Variants in MYH3 observed in about 807,000 individuals in gnomAD.
MYH3 encodes the protein myosin-3.
Under a neutral mutation model 238.0 loss-of-function variants are expected in MYH3, and 130 were observed. The observed-to-expected ratio is 0.55, with a 90% CI of 0.47 to 0.63. MYH3 has a LOEUF of 0.63. Among genes scored for constraint, MYH3 ranks in the 30% least tolerant of loss-of-function variants. MYH3 has a pLI of 0.00. For synonymous variants in MYH3, 880 were observed against 924.1 expected (o/e 0.95, Z 0.86); for missense variants, 1,853 against 2,374.9 (o/e 0.78, Z 4.57).
the MYH3 span, chr17:10,673,599 G>C: frequency 1.3e-5 from 2 of 151,456 alleles, no homozygotes; most frequent in East Asian, 3.9e-4. Context: ...CAGGGAAGCA[G>C]GCAGTTAGTC....
the MYH3 span, among the ~76,000 whole-genome samples, chr17:10,667,640 C>A: frequency 3.3e-5 from 5 of 149,800 alleles, no homozygotes; most frequent in Middle Eastern, 3.4e-3. Context: ...CAAGATTGTG[C>A]CACCACACTC....
chr17:10,645,988 T>A lies in MYH3; in HGVS notation c.943A>T (p.Ser315Cys). Residue 315 changes from serine (S) to cysteine (C), a missense_variant, in exon 11 of 41, where the codon AGC becomes TGC. Transcript: ENST00000583535. Reference sequence around the variant, plus strand: ...CTGGCCACCAGGATCTCCCCCTGGCTAATGAACGGGTAGTCGTAAGGGTTG... The same window carrying A: ...CTGGCCACCAGGATCTCCCCCTGGCAAATGAACGGGTAGTCGTAAGGGTTG... ...TTNPYDYPFI[S>C]QGEILVASID... The A allele has an allele frequency of 6.2e-7, 1 of 1,614,050 alleles. No individual in the cohort carries two copies. Among genetic ancestry groups the A allele is most frequent in the Non-Finnish European group, 8.5e-7 (1 of 1,180,016 alleles).
At position 10,637,824 on chromosome 17, in the gene MYH3, A is replaced by C. The variant is rs753042145; in HGVS notation, c.3841T>G (p.Leu1281Val). ...CGTGGCTTACCAGCCTCGGTCTGCA[A>C]ACGAGACTTCTGTGTGGTCAGCTCG... ...LSELTTQKSRLQTEAGELSRQ... is the reference protein window; with the variant it reads ...LSELTTQKSRVQTEAGELSRQ... Residue 1281 changes from leucine to valine, a missense_variant, in exon 28 of 41, where the codon TTG becomes GTG. Leu to Val is a conservative substitution (Grantham distance 32). Transcript: ENST00000583535. 6.2e-7 allele frequency: 1 copy of C among 1,614,034 alleles called. No individual in the cohort carries two copies. The highest frequency in any genetic ancestry group is 8.5e-7 in the Non-Finnish European group (1 of 1,180,034).
In MYH3 at chr17:10,630,444, C is replaced by A. The variant is rs151028057; in HGVS notation, c.5301G>T (p.Ala1767=). 3.7e-6 allele frequency: 6 copies of A among 1,614,178 alleles called. No individual in the cohort carries two copies. Among genetic ancestry groups the A allele is most frequent in the East Asian group, 4.5e-5 (2 of 44,876 alleles). The change falls in exon 37 of 41, where the codon GCG becomes GCT. Residue 1767 remains alanine (A), a synonymous_variant. Transcript: ENST00000583535. ...TGTCCTGCTCCTTCTTCAGCTCCTC[C>A]GCCATCATGGCAGCCTGAAAAGCAC... is the stretch of plus-strand genomic sequence containing the variant. ...KKAITDAAMM[A]EELKKEQDTS... is the part of the protein sequence containing the mutation.
chr17:10,649,738 A>G, intron 6 of MYH3, 53 bp from the exon 7 acceptor site: 1 of 1,521,684 alleles, frequency 6.6e-7, no homozygotes, highest in Non-Finnish European at 9.1e-7. Context: ...TAGTATAAAC[A>G]GGCTTTTCAG....
intron 26 of MYH3, 24 bp from the exon 27 acceptor site, chr17:10,638,456 C>T (rs1347535574): frequency 2.4e-5 from 38 of 1,599,424 alleles, no homozygotes; most frequent in Non-Finnish European, 2.7e-5. Flanking sequence ...CCGTTCACCC[C>T]GTGGGCAGTG....
intron 19 of MYH3, among the ~76,000 whole-genome samples, 189 bp from the exon 20 acceptor site, chr17:10,640,875 T>A (rs934854520): frequency 5.8e-4 from 88 of 152,236 alleles, no homozygotes; most frequent in African/African-American, 2.0e-3. Flanking sequence ...TCAGAGCTTT[T>A]CCTGCCATTT....
intron 19 of MYH3, 144 bp from the exon 20 acceptor site, chr17:10,640,830 G>A: frequency 1.9e-6 from 2 of 1,079,996 alleles, no homozygotes; most frequent in Non-Finnish European, 2.8e-6. Context: ...CATTGCTAGA[G>A]AGCAGTCTAG....
Position 10,635,174 on chromosome 17 carries a change from G to A in MYH3, c.4173-151C>T, listed in dbSNP as rs182267727. On this transcript the variant is annotated intron_variant, in intron 30 of 40. Coordinates refer to ENST00000583535, the MANE Select transcript of MYH3 (RefSeq NM_002470.4). ...GAATTTCCTGTCTACTCAAAATCTG[G>A]GATCAATAACTTGCCTTGTGTCTGA... 9.9e-6 allele frequency: 13 copies of A among 1,318,620 alleles called. No individual in the cohort carries two copies. In the African/African-American group the frequency reaches 1.5e-4, roughly 15 times the overall value. The allele number at this position is 1,318,620 out of a possible 1,614,324, so 81.7% of individuals were successfully genotyped here.
At chr17:10,660,934 G>A (rs1377997214), upstream of MYH3, among the ~76,000 whole-genome samples, 9 of 151,566 alleles carry the variant, frequency 5.9e-5, no homozygotes, top group East Asian at 1.0e-3. Flanking sequence ...GCAGTAAGCC[G>A]ATATTGTGCC....
Position 10,628,576 on chromosome 17 carries a change from G to C in MYH3, c.*77C>G. ...ATTGCATGTGAAAAAGAGTCACATGGACATTAAGTATCAATGGTCAGGAAT... is the reference window on the plus strand; with the variant it reads ...ATTGCATGTGAAAAAGAGTCACATGCACATTAAGTATCAATGGTCAGGAAT... On this transcript the variant is annotated 3_prime_UTR_variant, in exon 41 of 41. Transcript: ENST00000583535. 6.7e-7 allele frequency: 1 copy of C among 1,490,428 alleles called. No individual in the cohort carries two copies. The highest frequency in any genetic ancestry group is 9.4e-7 in the Non-Finnish European group (1 of 1,067,414). The allele number at this position is 1,490,428 out of a possible 1,614,324, so 92.3% of individuals were successfully genotyped here.
the MYH3 span, among the ~76,000 whole-genome samples, chr17:10,669,641 C>T: frequency 0.21 from 31,465 of 151,476 alleles, 3,453 homozygotes; most frequent in Non-Finnish European, 0.25. Context: ...CGGTGGCTTG[C>T]GCCTGTAATC....
intron 4 of MYH3, 67 bp from the exon 5 acceptor site, chr17:10,651,735 A>G: frequency 7.3e-6 from 5 of 686,368 alleles, no homozygotes; most frequent in Non-Finnish European, 1.1e-5. Context: ...CCTTGCCTTT[A>G]TTATTATTAT....
intron 32 of MYH3, 44 bp from the exon 33 acceptor site, chr17:10,633,759 G>A: frequency 6.2e-7 from 1 of 1,611,720 alleles, no homozygotes. Context: ...GCCTCTGCGT[G>A]GGTTTCCAGA....
intron 19 of MYH3, 23 bp downstream of exon 19, chr17:10,641,062 T>C: frequency 6.6e-7 from 1 of 1,515,294 alleles, no homozygotes; most frequent in Non-Finnish European, 9.2e-7. Context: ...TCCCCAAGCA[T>C]ATAGAACATG....
chr17:10,656,729 C>T (rs758526348), intron 1 of MYH3, among the ~76,000 whole-genome samples: 14 of 152,130 alleles, frequency 9.2e-5, no homozygotes, highest in Admixed American at 3.9e-4. Flanking sequence ...AATCGGACAG[C>T]AGGGACCGCA....
the MYH3 span, among the ~76,000 whole-genome samples, chr17:10,670,465 TAC>T: frequency 2.0e-5 from 3 of 152,208 alleles, no homozygotes; most frequent in African/African-American, 4.8e-5. The surrounding 1 kb of genome is among the most constrained non-coding windows in gnomAD (Gnocchi z 7.0). Context: ...AAGTGAAATT[TAC>T]AGTGTTTTGT....
intron 17 of MYH3, among the ~76,000 whole-genome samples, chr17:10,641,605 C>T (rs990246570): frequency 1.3e-5 from 2 of 150,858 alleles, no homozygotes; most frequent in Non-Finnish European, 2.9e-5. Context: ...ACCTCCTCCT[C>T]CTAGGTTCAA....
At chr17:10,641,502 CTCTGTCTTTTT>C in intron 17 of MYH3, 130 bp from the exon 18 acceptor site, 1 of 569,076 alleles carries the variant, frequency 1.8e-6, no homozygotes, top group Non-Finnish European at 2.9e-6. Context: ...AATGATTTAA[CTCTGTCTTTTT>C]TTTTTTTTTT....
Sources: allele counts gnomAD v4.1 joint callset (sites outside exome capture counted in the v4.1 genomes callset), GRCh38; gene constraint gnomAD v4.1.1; non-coding constraint Gnocchi (gnomAD v3.1); transcripts MANE v1.5; gene names NCBI Gene and HGNC (gene_info 2026-07-23, HGNC 2026-07-21).